The following TRIM24 variants were observed in gnomAD, a reference collection of about 807,000 sequenced individuals.
The protein encoded by TRIM24 is transcription intermediary factor 1-alpha.
Under a neutral mutation model 123.9 loss-of-function variants are expected in TRIM24, and 29 were observed. The ratio of observed to expected loss-of-function variants is 0.23; its 90% CI spans 0.17 to 0.32. TRIM24 has a LOEUF of 0.32. Among genes scored for constraint, TRIM24 ranks in the 10% least tolerant of loss-of-function variants. TRIM24 has a pLI of 1.00. For missense variants in TRIM24, 932 were observed against 1,295.3 expected, an observed-to-expected ratio of 0.72 and a Z score of 4.31; for synonymous variants, 456 against 461.1, an observed-to-expected ratio of 0.99 and a Z score of 0.14.
At position 138,490,994 on chromosome 7, in the gene TRIM24, G is replaced by A; in HGVS notation, c.365-13296G>A. On this transcript the variant is annotated intron_variant, in intron 1 of 18. Transcript: ENST00000343526. Reference sequence around the variant, plus strand: ...AGTAATCATAAGTAGTAGTCTTGATGTCAACATGAGCTTCAATCATGGTGT... The same window carrying A: ...AGTAATCATAAGTAGTAGTCTTGATATCAACATGAGCTTCAATCATGGTGT... 2.4e-5 allele frequency: 6 copies of A among 251,208 alleles called. No individual in the cohort carries two copies. In the South Asian group the frequency reaches 2.6e-4, roughly 11 times the overall value. The allele number at this position is 251,208 out of a possible 1,614,324, so 15.6% of individuals were successfully genotyped here. A position where few individuals can be genotyped will look rare whatever the true frequency, so the allele number is the denominator to read the frequency against.
chr7:138,522,682 G>A (rs1048647038), intron 4 of TRIM24, among the ~76,000 whole-genome samples: 1 of 151,978 alleles, frequency 6.6e-6, no homozygotes, highest in Non-Finnish European at 1.5e-5. Context: ...GGGCACATAA[G>A]AAAATCCTTT....
At chr7:138,518,521 G>C (rs1489399181) in intron 3 of TRIM24, among the ~76,000 whole-genome samples, 1 of 152,136 alleles carries the variant, frequency 6.6e-6, no homozygotes, top group Non-Finnish European at 1.5e-5. Context: ...TGGAAAACTA[G>C]AGTGTAATAA....
chr7:138,585,861 TCATCATATA>T lies in TRIM24; in HGVS notation c.*912_*920del. On this transcript the variant is annotated 3_prime_UTR_variant, in exon 19 of 19. Transcript: ENST00000343526. ...GCACTGTATTTGATGTGAGGGTTCT[TCATCATATA>T]CCCTACTGGGCATTAAATATAAGTT... 1.9e-6 allele frequency: 1 copy of T among 519,144 alleles called. No homozygotes were observed. Among genetic ancestry groups the T allele is most frequent in the Middle Eastern group, 3.2e-4 (1 of 3,148 alleles). The allele number at this position is 519,144 out of a possible 1,614,324, so 32.2% of individuals were successfully genotyped here.
intron 1 of TRIM24, among the ~76,000 whole-genome samples, chr7:138,474,311 G>A (rs1448016459): frequency 6.6e-6 from 1 of 151,766 alleles, no homozygotes; most frequent in African/African-American, 2.4e-5. Context: ...ATTTTTAGTA[G>A]AGACGGGGTT....
chr7:138,510,622 A>G (rs1291223113), intron 2 of TRIM24, among the ~76,000 whole-genome samples: 1 of 152,042 alleles, frequency 6.6e-6, no homozygotes, highest in African/African-American at 2.4e-5. Flanking sequence ...GGGTTTCACC[A>G]TGTTGCCCAG....
intron 2 of TRIM24, among the ~76,000 whole-genome samples, chr7:138,508,722 T>TGTGTGTGTGTGCGC (rs1258402332): frequency 1.6e-5 from 2 of 124,268 alleles, no homozygotes; most frequent in Non-Finnish European, 3.5e-5. Context: ...TGTGTGTGCG[T>TGTGTGTGTGTGCGC]GTGTGTGTGT....
intron 6 of TRIM24, among the ~76,000 whole-genome samples, chr7:138,537,761 C>A (rs1796922936): frequency 6.6e-6 from 1 of 152,158 alleles, no homozygotes; most frequent in Non-Finnish European, 1.5e-5. Flanking sequence ...CTCCTTAATT[C>A]AATGTAGCTC....
chr7:138,507,574 C>T (rs899501016), intron 2 of TRIM24, among the ~76,000 whole-genome samples: 14 of 151,674 alleles, frequency 9.2e-5, no homozygotes, highest in Admixed American at 7.2e-4. Context: ...CCACCCACCT[C>T]AGCCTCCCAA....
chr7:138,584,108 T>C (rs1372176947), intron 18 of TRIM24, 109 bp downstream of exon 18: 3 of 1,252,558 alleles, frequency 2.4e-6, no homozygotes, highest in Non-Finnish European at 3.3e-6. Flanking sequence ...TTAGAATAAA[T>C]TTCCAACTTT....
intron 1 of TRIM24, among the ~76,000 whole-genome samples, chr7:138,475,239 A>G (rs1459343339): frequency 1.3e-5 from 2 of 152,164 alleles, no homozygotes; most frequent in Non-Finnish European, 2.9e-5. Context: ...GAATCAAAAG[A>G]TAGTATCTAA....
chr7:138,570,420 T>C (rs1255610521), intron 10 of TRIM24, among the ~76,000 whole-genome samples: 1 of 152,242 alleles, frequency 6.6e-6, no homozygotes, highest in Non-Finnish European at 1.5e-5. Context: ...AAGAGGAATA[T>C]AAAATCCTGA....
At position 138,581,377 on chromosome 7, in the gene TRIM24, AGTTCTCCTAAGAGACGTAC is replaced by A. The variant is rs1228163336; in HGVS notation, c.2719-314_2719-296del. 6.6e-5 allele frequency among the ~76,000 whole-genome samples: 10 copies of A among 152,348 alleles called. No individual in the cohort carries two copies. In the East Asian group the frequency reaches 1.9e-3, roughly 29 times the overall value. ...ATGCATATTGAGAAGGTCCACCTCC[AGTTCTCCTAAGAGACGTAC>A]GTTCTTCCTTTATAGACTATTACTA... On this transcript the variant is annotated intron_variant, in intron 16 of 18. Coordinates refer to ENST00000343526, the MANE Select transcript of TRIM24 (RefSeq NM_015905.3).
At chr7:138,567,762 C>T (rs2116663716) in intron 10 of TRIM24, 108 bp downstream of exon 10, 1 of 1,150,072 alleles carries the variant, frequency 8.7e-7, no homozygotes, top group East Asian at 2.9e-5. Context: ...AAGAGCAAGC[C>T]TTCTTTTTCA....
rs191363000 is a variant in TRIM24, at chr7:138,496,629, G to A, written c.365-7661G>A. Among the ~76,000 whole-genome samples, 13 of 152,036 alleles carry A rather than the reference G, an allele frequency of 8.6e-5. No individual in the cohort carries two copies. In the East Asian group the frequency reaches 2.5e-3, roughly 29 times the overall value. ...GTTAGGTTCTTGAAAGTTTGTTATG[G>A]ATAGGTGAATTTTTCAGATTTTTTT... On this transcript the variant is annotated intron_variant, in intron 1 of 18. Transcript: ENST00000343526.
chr7:138,522,328 C>T (rs537304329), intron 4 of TRIM24, among the ~76,000 whole-genome samples: 2 of 151,224 alleles, frequency 1.3e-5, no homozygotes, highest in East Asian at 3.9e-4. Context: ...AACAGCAAAA[C>T]TCCATCTCAA....
At chr7:138,580,287 T>C (rs903866075) in intron 15 of TRIM24, among the ~76,000 whole-genome samples, 3 of 152,214 alleles carry the variant, frequency 2.0e-5, no homozygotes, top group Non-Finnish European at 4.4e-5. Context: ...GAGCCCTAGA[T>C]TAAATTTGTT....
chr7:138,545,100 G>C (rs1449431951), intron 7 of TRIM24, among the ~76,000 whole-genome samples: 1 of 152,142 alleles, frequency 6.6e-6, no homozygotes, highest in East Asian at 1.9e-4. Context: ...TGAATTTCAT[G>C]TTTAGACTTG....
At chr7:138,534,586 T>C (rs1796823372) in intron 6 of TRIM24, among the ~76,000 whole-genome samples, 1 of 152,220 alleles carries the variant, frequency 6.6e-6, no homozygotes, top group Admixed American at 6.5e-5. Context: ...AGACAGTTTG[T>C]TATAATTTCT....
chr7:138,516,028 G>A (rs531928076), intron 3 of TRIM24, among the ~76,000 whole-genome samples: 7 of 152,218 alleles, frequency 4.6e-5, no homozygotes, highest in South Asian at 2.1e-4. Context: ...GGCCGGGCGC[G>A]GTGGCTCACG....
Sources: gnomAD v4.1 joint callset for allele counts (sites outside exome capture counted in the v4.1 genomes callset) on GRCh38, gnomAD v4.1.1 for gene constraint, MANE v1.5 for transcripts, NCBI Gene and HGNC (gene_info 2026-07-23, HGNC 2026-07-21) for gene names.